The following XRCC2 variants were observed in gnomAD, a reference collection of about 807,000 sequenced individuals.
XRCC2 encodes X-ray repair cross complementing 2, also known as DNA repair protein XRCC2.
XRCC2 carries 24 observed loss-of-function variants against 27.3 expected under a neutral mutation model. That is an observed-to-expected ratio of 0.88 (90% CI 0.64 to 1.24). The LOEUF is 1.24. Ranked by LOEUF, XRCC2 falls within the 50% of genes most tolerant of loss-of-function variation. The probability of loss-of-function intolerance (pLI) is 0.00; values close to 1 mark genes in which losing one functional copy is unlikely to be tolerated. For synonymous variants in XRCC2, 106 were observed against 115.4 expected (o/e 0.92, Z 0.52); for missense variants, 321 against 325.8 (o/e 0.99, Z 0.11).
chr7:152,645,462 A>G lies in XRCC2; in HGVS notation c.*3180T>C, dbSNP rs2098025336. 6.6e-6 allele frequency: 1 copy of G among 152,046 alleles called. No homozygotes were observed. The highest frequency in any genetic ancestry group is 1.5e-5 in the Non-Finnish European group (1 of 68,020). The allele number at this position is 152,046 out of a possible 1,614,324, so 9.4% of individuals were successfully genotyped here. On this transcript the variant is annotated 3_prime_UTR_variant, in exon 3 of 3. Coordinates refer to ENST00000359321, the MANE Select transcript of XRCC2 (RefSeq NM_005431.2). Reference sequence around the variant, plus strand: ...GGTACTTAGAAAAACTTAAATGTTGATGTTTTAGCTCGCAAATTTGCTAAA... The same window carrying G: ...GGTACTTAGAAAAACTTAAATGTTGGTGTTTTAGCTCGCAAATTTGCTAAA...
intron 1 of XRCC2, among the ~76,000 whole-genome samples, chr7:152,667,079 C>T (rs544157485): frequency 6.6e-6 from 1 of 152,254 alleles, no homozygotes; most frequent in East Asian, 1.9e-4. Flanking sequence ...GTAGAATCCT[C>T]ACCCCTGAGA....
intron 2 of XRCC2, among the ~76,000 whole-genome samples, chr7:152,656,209 A>G (rs1180817888): frequency 6.6e-6 from 1 of 152,112 alleles, no homozygotes; most frequent in Non-Finnish European, 1.5e-5. Flanking sequence ...CTAGAATTTA[A>G]AATTAAATTA....
chr7:152,665,780 C>G (rs3094406), intron 1 of XRCC2, among the ~76,000 whole-genome samples: 129,495 of 152,054 alleles, frequency 0.85, 55,571 homozygotes, highest in Non-Finnish European at 0.91. Context: ...CTGCACCTGG[C>G]CAAGGTCTTA....
intron 1 of XRCC2, among the ~76,000 whole-genome samples, chr7:152,674,740 A>ATATATTTTTAAAT (rs369118726): frequency 1.7e-4 from 1 of 6,014 alleles, no homozygotes; most frequent in African/African-American, 1.1e-3. Context: ...ATTATATATA[A>ATATATTTTTAAAT]ATATATTTTT....
At chr7:152,674,869 G>C (rs2098040241) in intron 1 of XRCC2, among the ~76,000 whole-genome samples, 1 of 147,128 alleles carries the variant, frequency 6.8e-6, no homozygotes. Context: ...ATCAAACTAT[G>C]GCCAGCAGGC....
chr7:152,654,758 G>T (rs549836535), intron 2 of XRCC2, among the ~76,000 whole-genome samples: 17 of 152,294 alleles, frequency 1.1e-4, no homozygotes, highest in African/African-American at 4.1e-4. Context: ...CTGCCTAAGA[G>T]ATACTCTTTT....
At chr7:152,662,718 G>A (rs866160968) in intron 1 of XRCC2, among the ~76,000 whole-genome samples, 92 of 149,086 alleles carry the variant, frequency 6.2e-4, no homozygotes, top group Middle Eastern at 7.0e-3. Context: ...GACTACAGGC[G>A]CCCGCCACTA....
intron 1 of XRCC2, among the ~76,000 whole-genome samples, chr7:152,662,981 G>A (rs1283695800): frequency 1.3e-5 from 2 of 152,120 alleles, no homozygotes; most frequent in Non-Finnish European, 2.9e-5. Context: ...TGTTGCGTAT[G>A]AAGCACTGTG....
chr7:152,659,407 G>A lies in XRCC2; in HGVS notation c.121+1294C>T, dbSNP rs775224851. On this transcript the variant is annotated intron_variant, in intron 2 of 2. Coordinates refer to ENST00000359321, the MANE Select transcript of XRCC2 (RefSeq NM_005431.2). ...AGGCTGGTCTCAAACTCCTGACCTC[G>A]TGATCTGCCTGCCTAAGACTCCTAA... Among the ~76,000 whole-genome samples, 51 of 152,262 alleles carry A rather than the reference G, an allele frequency of 3.3e-4. 1 individual carries two copies. Among genetic ancestry groups the A allele is most frequent in the Middle Eastern group, 3.4e-3 (1 of 294 alleles).
chr7:152,675,909 G>A, intron 1 of XRCC2, 132 bp downstream of exon 1: 1 of 1,233,680 alleles, frequency 8.1e-7, no homozygotes, highest in South Asian at 1.3e-5. Context: ...GGGCGTCTAG[G>A]CCGAGAGGCC....
chr7:152,650,991 G>A (rs1352599144), intron 2 of XRCC2, among the ~76,000 whole-genome samples: 2 of 152,116 alleles, frequency 1.3e-5, no homozygotes, highest in Non-Finnish European at 2.9e-5. Context: ...CTAGGCTGGA[G>A]TGCAGTGGTT....
intron 2 of XRCC2, among the ~76,000 whole-genome samples, chr7:152,657,998 C>T (rs1333646677): frequency 7.4e-5 from 11 of 148,784 alleles, no homozygotes; most frequent in African/African-American, 2.7e-4. Context: ...CGGAGTCTTG[C>T]TCTGTCACCC....
chr7:152,653,228 T>C (rs1365495422), intron 2 of XRCC2, among the ~76,000 whole-genome samples: 1 of 152,128 alleles, frequency 6.6e-6, no homozygotes, highest in Admixed American at 6.6e-5. Context: ...CTTGCTGCCA[T>C]CCACGTAGGA....
At chr7:152,661,754 G>A (rs1235460157) in intron 1 of XRCC2, among the ~76,000 whole-genome samples, 1 of 152,172 alleles carries the variant, frequency 6.6e-6, no homozygotes, top group African/African-American at 2.4e-5. Flanking sequence ...CTTATCTTTG[G>A]CTTGTAGACA....
At position 152,676,032 on chromosome 7, in the gene XRCC2, G is replaced by T; in HGVS notation, c.39+9C>A. 1 of 1,613,720 alleles carries T rather than the reference G, an allele frequency of 6.2e-7. No individual in the cohort carries two copies. Among genetic ancestry groups the T allele is most frequent in the Non-Finnish European group, 8.5e-7 (1 of 1,179,796 alleles). ...CCATCTCCCTCACTCCCAACCCGGCGGCTCTCACCTCGGTCCCAGACTCAG... is the reference window on the plus strand; with the variant it reads ...CCATCTCCCTCACTCCCAACCCGGCTGCTCTCACCTCGGTCCCAGACTCAG... On this transcript the variant is annotated intron_variant, in intron 1 of 2. Transcript: ENST00000359321.
chr7:152,651,332 A>C (rs948087583), intron 2 of XRCC2, among the ~76,000 whole-genome samples: 2 of 151,008 alleles, frequency 1.3e-5, no homozygotes, highest in Non-Finnish European at 2.9e-5. Context: ...CATGCCTGTA[A>C]CTCCCAGCAC....
intron 1 of XRCC2, among the ~76,000 whole-genome samples, chr7:152,674,674 C>T (rs1289249156): frequency 2.9e-4 from 1 of 3,442 alleles, no homozygotes; most frequent in African/African-American, 2.0e-3. Context: ...TCTATATAAT[C>T]TATATTATAA....
intron 2 of XRCC2, among the ~76,000 whole-genome samples, chr7:152,650,035 C>T (rs1251053668): frequency 6.6e-6 from 1 of 152,176 alleles, no homozygotes; most frequent in Non-Finnish European, 1.5e-5. Flanking sequence ...GCCTCTGTGC[C>T]ACTCAGGATG....
chr7:152,660,197 C>G (rs928896066), intron 2 of XRCC2, among the ~76,000 whole-genome samples: 1 of 152,094 alleles, frequency 6.6e-6, no homozygotes, highest in Non-Finnish European at 1.5e-5. Flanking sequence ...ATAAAATGCT[C>G]TAAAGTCAGC....
Sources: gnomAD v4.1 joint callset for allele counts (sites outside exome capture counted in the v4.1 genomes callset) on GRCh38, gnomAD v4.1.1 for gene constraint, MANE v1.5 for transcripts, NCBI Gene and HGNC (gene_info 2026-07-23, HGNC 2026-07-21) for gene names.